CCDC33: variants seen among roughly 807,000 people sequenced by gnomAD.
The protein encoded by CCDC33 is coiled-coil domain containing 33, also known as coiled-coil domain-containing protein 33.
CCDC33 carries 94 observed loss-of-function variants against 91.9 expected under a neutral mutation model. The ratio of observed to expected loss-of-function variants is 1.02; its 90% CI spans 0.87 to 1.21. The LOEUF (loss-of-function observed/expected upper bound fraction) is 1.21. Ranked by LOEUF, CCDC33 falls within the 50% of genes most tolerant of loss-of-function variation. The pLI, the probability that CCDC33 is intolerant of heterozygous loss-of-function variation, is 0.00. For missense variants in CCDC33, 940 were observed against 935.5 expected (o/e 1.00, Z -0.06); for synonymous variants, 396 against 374.5 (o/e 1.06, Z -0.66).
At chr15:74,296,671 G>C (rs1222086062) in intron 11 of CCDC33, among the ~76,000 whole-genome samples, 1 of 152,184 alleles carries the variant, frequency 6.6e-6, no homozygotes, top group African/African-American at 2.4e-5. Context: ...CAATTCTGGT[G>C]ACATAGTCTG....
intron 2 of CCDC33, among the ~76,000 whole-genome samples, chr15:74,250,910 A>C (rs2075687867): frequency 6.6e-6 from 1 of 152,168 alleles, no homozygotes; most frequent in African/African-American, 2.4e-5. Flanking sequence ...TGCGGGTCTA[A>C]AGCTCTACAG....
chr15:74,313,971 C>T (rs1018424020), intron 11 of CCDC33, among the ~76,000 whole-genome samples: 1 of 152,184 alleles, frequency 6.6e-6, no homozygotes, highest in African/African-American at 2.4e-5. Context: ...CTCCTTGCCG[C>T]GTGTCCTGTC....
At chr15:74,283,834 C>A (rs2059421133) in intron 10 of CCDC33, among the ~76,000 whole-genome samples, 2 of 121,674 alleles carry the variant, frequency 1.6e-5, no homozygotes, top group African/African-American at 5.5e-5. Context: ...TCTACATATA[C>A]ACTCTCAATC....
At chr15:74,293,162 A>G (rs894348907) in intron 10 of CCDC33, among the ~76,000 whole-genome samples, 3 of 152,110 alleles carry the variant, frequency 2.0e-5, no homozygotes, top group Admixed American at 2.0e-4. Flanking sequence ...TGCTTTCAGT[A>G]CTGATGGGGG....
At chr15:74,305,587 G>C (rs192484550) in intron 11 of CCDC33, among the ~76,000 whole-genome samples, 3 of 152,338 alleles carry the variant, frequency 2.0e-5, no homozygotes, top group Non-Finnish European at 4.4e-5. Flanking sequence ...GGGGCCACAT[G>C]AGCACAGGGA....
chr15:74,263,512 G>A (rs1411547981), intron 3 of CCDC33, among the ~76,000 whole-genome samples: 1 of 152,250 alleles, frequency 6.6e-6, no homozygotes, highest in Non-Finnish European at 1.5e-5. Flanking sequence ...GAAACAGGAA[G>A]GGGAGCCTCC....
At chr15:74,283,658 A>C (rs1473906736) in intron 10 of CCDC33, among the ~76,000 whole-genome samples, 3 of 151,548 alleles carry the variant, frequency 2.0e-5, no homozygotes, top group African/African-American at 7.3e-5. Flanking sequence ...CCTTCCCCCA[A>C]CCCCCTCCCC....
intron 16 of CCDC33, chr15:74,333,078 C>T: frequency 2.6e-6 from 2 of 777,554 alleles, no homozygotes; most frequent in South Asian, 1.7e-5. Context: ...AAAGCAAGCC[C>T]CTTGTTGACC....
At chr15:74,251,054 A>G (rs1361520420) in intron 2 of CCDC33, among the ~76,000 whole-genome samples, 1 of 152,242 alleles carries the variant, frequency 6.6e-6, no homozygotes, top group Non-Finnish European at 1.5e-5. Flanking sequence ...GACTCCCTGT[A>G]TGAACTCAGG....
intron 2 of CCDC33, among the ~76,000 whole-genome samples, chr15:74,253,081 C>T (rs1050526874): frequency 2.0e-5 from 3 of 152,196 alleles, no homozygotes; most frequent in Non-Finnish European, 2.9e-5. Context: ...AGTTCTCCCC[C>T]ACAGGCTTCT....
intron 10 of CCDC33, 49 bp from the exon 11 acceptor site, chr15:74,295,705 C>T (rs1312206131): frequency 6.7e-7 from 1 of 1,492,408 alleles, no homozygotes; most frequent in Non-Finnish European, 9.2e-7. Context: ...GGTAGATGGG[C>T]ACAGAGAAGG....
chr15:74,287,587 C>T (rs142076790), intron 10 of CCDC33, among the ~76,000 whole-genome samples: 1,707 of 152,190 alleles, frequency 0.011, 16 homozygotes, highest in Non-Finnish European at 0.018. Context: ...TTTGGGAGGC[C>T]GAGGTGGGCA....
intron 10 of CCDC33, among the ~76,000 whole-genome samples, chr15:74,292,564 G>A (rs1375599339): frequency 6.6e-6 from 1 of 152,186 alleles, no homozygotes; most frequent in Non-Finnish European, 1.5e-5. Context: ...TGTGCTGTTT[G>A]GAGGTCTAAA....
chr15:74,311,628 T>G (rs1309894637), intron 11 of CCDC33: 2 of 152,002 alleles, frequency 1.3e-5, no homozygotes, highest in Non-Finnish European at 2.9e-5. Flanking sequence ...CAAGCTGGTG[T>G]TAGGGGATTT....
intron 1 of CCDC33, chr15:74,217,591 A>C (rs1255271584): frequency 1.6e-6 from 2 of 1,214,566 alleles, no homozygotes; most frequent in Non-Finnish European, 2.1e-6. Context: ...GGTATGAAGT[A>C]GGGGTGGGGT....
intron 11 of CCDC33, chr15:74,301,895 TTC>T (rs533308257): frequency 7.5e-5 from 11 of 146,388 alleles, no homozygotes; most frequent in Middle Eastern, 6.3e-3. Context: ...CTCTCTCTCC[TTC>T]TCTCTCTCTC....
intron 10 of CCDC33, among the ~76,000 whole-genome samples, chr15:74,284,198 G>C (rs1026068240): frequency 1.3e-5 from 2 of 152,188 alleles, no homozygotes; most frequent in Admixed American, 6.5e-5. Context: ...TATTTGATGA[G>C]GAGTCACTGC....
At chr15:74,304,024 C>T (rs1021542189) in intron 11 of CCDC33, 4 of 152,198 alleles carry the variant, frequency 2.6e-5, no homozygotes, top group African/African-American at 9.7e-5. Flanking sequence ...GATCACATCC[C>T]ACATGTGTCT....
chr15:74,205,356 G>C (rs1454030638), intron 1 of CCDC33, among the ~76,000 whole-genome samples: 2 of 152,314 alleles, frequency 1.3e-5, no homozygotes, highest in East Asian at 3.9e-4. Context: ...TCAGCTTCTG[G>C]GGAGGGCCTC....
Sources: allele counts gnomAD v4.1 joint callset (sites outside exome capture counted in the v4.1 genomes callset), GRCh38; gene constraint gnomAD v4.1.1; transcripts MANE v1.5; gene names NCBI Gene and HGNC (gene_info 2026-07-23, HGNC 2026-07-21).